PDE4C: variants seen among roughly 807,000 people sequenced by gnomAD.
PDE4C encodes 3',5'-cyclic-AMP phosphodiesterase 4C.
A neutral mutation model predicts 63.9 loss-of-function variants in PDE4C; 50 were observed. The observed-to-expected ratio is 0.78, with a 90% CI of 0.62 to 0.99. PDE4C has a LOEUF of 0.99. Among genes scored for constraint, PDE4C ranks in the 50% least tolerant of loss-of-function variants. PDE4C has a pLI of 0.00. For missense variants in PDE4C, 777 were observed against 899.1 expected (o/e 0.86, Z 1.74); for synonymous variants, 377 against 385.1 (o/e 0.98, Z 0.25).
Position 18,218,262 on chromosome 19 carries a change from G to T in PDE4C, c.1135-14C>A, listed in dbSNP as rs573645909. 2.9e-4 allele frequency: 473 copies of T among 1,614,002 alleles called. 5 individuals carry two copies. In the South Asian group the frequency reaches 4.9e-3, roughly 17 times the overall value. The stretch of plus-strand genomic sequence containing the variant: ...TGTGAACACAGCCTGAGCAGGCAGA[G>T]GGCACAGGCGGTGAGGGGCGGGTTC... On this transcript the variant is annotated splice_polypyrimidine_tract_variant and intron_variant, in intron 10 of 14. Transcript: ENST00000262805.
chr19:18,229,421 A>G (rs764111247), upstream of PDE4C, among the ~76,000 whole-genome samples: 1 of 151,976 alleles, frequency 6.6e-6, no homozygotes, highest in Non-Finnish European at 1.5e-5. Flanking sequence ...TGGTATTTTT[A>G]GTAGAGACGG....
At chr19:18,234,533 G>A (rs1235680622), upstream of PDE4C, among the ~76,000 whole-genome samples, 4 of 152,164 alleles carry the variant, frequency 2.6e-5, no homozygotes, top group South Asian at 2.1e-4. Context: ...AGGGCTGGGC[G>A]GGTGAGTGTG....
intron 1 of PDE4C, among the ~76,000 whole-genome samples, chr19:18,243,279 G>A (rs1969075900): frequency 6.6e-6 from 1 of 151,822 alleles, no homozygotes; most frequent in African/African-American, 2.4e-5. Context: ...CCAATTAATT[G>A]TATTTTTTAG....
intron 7 of PDE4C, 124 bp from the exon 8 acceptor site, chr19:18,219,521 G>A (rs1968367080): frequency 7.0e-6 from 8 of 1,148,272 alleles, no homozygotes; most frequent in African/African-American, 1.6e-5. Flanking sequence ...ACCAAAGTAA[G>A]TTCGGAGTAA....
At chr19:18,229,102 A>ATTTTTTTTT (rs56379821), upstream of PDE4C, among the ~76,000 whole-genome samples, 353 of 124,334 alleles carry the variant, frequency 2.8e-3, no homozygotes, top group East Asian at 4.9e-3. Flanking sequence ...TGCCAAGCTA[A>ATTTTTTTTT]TTTTTTTTTT....
In PDE4C at chr19:18,220,352, T is replaced by G. The variant is rs1968403188; in HGVS notation, c.613-33A>C. On this transcript the variant is annotated intron_variant, in intron 6 of 14. Coordinates refer to ENST00000262805, the Ensembl canonical transcript of PDE4C. The surrounding 1 kb of genome is among the most constrained non-coding windows in gnomAD (Gnocchi z 5.1). ...GGAGAGAAGGTGAAGACCGTGATGATGGGGCACCGTGGGCCGAGGCAGGTG... is the reference window on the plus strand; with the variant it reads ...GGAGAGAAGGTGAAGACCGTGATGAGGGGGCACCGTGGGCCGAGGCAGGTG... The G allele has an allele frequency of 6.2e-7, 1 of 1,612,526 alleles. No homozygotes were observed. Among genetic ancestry groups the G allele is most frequent in the Non-Finnish European group, 8.5e-7 (1 of 1,178,724 alleles).
chr19:18,252,384 C>T (rs571177825), upstream of PDE4C: 21 of 399,076 alleles, frequency 5.3e-5, no homozygotes, highest in African/African-American at 4.3e-4. Flanking sequence ...GGGGGGTTCC[C>T]CTGAACTGTG....
In PDE4C at chr19:18,220,783, C is replaced by T. The variant is rs1373104707; in HGVS notation, c.499+91G>A. The T allele has an allele frequency of 7.9e-7, 1 of 1,266,162 alleles. No homozygotes were observed. Among genetic ancestry groups the T allele is most frequent in the East Asian group, 2.4e-5 (1 of 42,260 alleles). The allele number at this position is 1,266,162 out of a possible 1,614,324, so 78.4% of individuals were successfully genotyped here. A position where few individuals can be genotyped will look rare whatever the true frequency, so the allele number is the denominator to read the frequency against. ...GCAGGGGCGGGGCTACAATTAGCCC[C>T]AGTATAAGGGGCTCATGGACTGGGG... On this transcript the variant is annotated intron_variant, in intron 5 of 14. Transcript: ENST00000262805. The surrounding 1 kb of genome is among the most constrained non-coding windows in gnomAD (Gnocchi z 5.1).
chr19:18,211,936 C>G, exon 14 of PDE4C: 1 of 1,614,046 alleles, frequency 6.2e-7, no homozygotes, highest in Non-Finnish European at 8.5e-7. Flanking sequence ...CCAGGTTCTG[C>G]AAGACCTACA....
In PDE4C at chr19:18,220,844, A is replaced by G. The variant is rs778339209; in HGVS notation, c.499+30T>C. 1.9e-6 allele frequency: 3 copies of G among 1,600,444 alleles called. No individual in the cohort carries two copies. In the Admixed American group the frequency reaches 5.2e-5, roughly 28 times the overall value. ...GGAAAGGAAGCTCCCAGCTGTCCTC[A>G]GCGGGGGAGGGAAGGAACAGGTACT... is the stretch of plus-strand genomic sequence containing the variant. On this transcript the variant is annotated intron_variant, in intron 5 of 14. Coordinates refer to ENST00000262805, the Ensembl canonical transcript of PDE4C. This position sits in a 1 kb window ranked among gnomAD's most constrained non-coding sequence, Gnocchi z 5.1.
upstream of PDE4C, among the ~76,000 whole-genome samples, chr19:18,229,022 G>A (rs543935477): frequency 6.6e-5 from 10 of 151,848 alleles, no homozygotes; most frequent in East Asian, 7.7e-4. Flanking sequence ...TGAAACCTCC[G>A]CTTCCTGGGT....
chr19:18,229,102 AT>A (rs56379821), upstream of PDE4C, among the ~76,000 whole-genome samples: 731 of 124,530 alleles, frequency 5.9e-3, 10 homozygotes, highest in African/African-American at 0.018. Context: ...TGCCAAGCTA[AT>A]TTTTTTTTTT....
upstream of PDE4C, among the ~76,000 whole-genome samples, chr19:18,251,676 A>ACCCCCCCCCCCCCCCCCCCCC (rs1969230557): frequency 4.2e-5 from 1 of 23,566 alleles, no homozygotes; most frequent in African/African-American, 1.1e-4. Flanking sequence ...CTCGTGATAC[A>ACCCCCCCCCCCCCCCCCCCCC]CGCCCCCCCC....
At chr19:18,251,028 G>A (rs898444266), upstream of PDE4C, among the ~76,000 whole-genome samples, 5 of 151,964 alleles carry the variant, frequency 3.3e-5, no homozygotes, top group Admixed American at 2.0e-4. Flanking sequence ...CACCCGCCTC[G>A]GCCTCCCAAA....
At chr19:18,233,110 C>T (rs1300313509) in exon 1 of PDE4C, 1 of 1,567,156 alleles carries the variant, frequency 6.4e-7, no homozygotes, top group South Asian at 1.2e-5. Flanking sequence ...TGCTTCGGGG[C>T]TCTGGTCATG....
At chr19:18,233,428 G>T in exon 1 of PDE4C, 1 of 699,852 alleles carries the variant, frequency 1.4e-6, no homozygotes, top group Non-Finnish European at 2.6e-6. Context: ...GGAGAAGAAC[G>T]TGGTGAGGGG....
chr19:18,228,870 C>T (rs995628960), upstream of PDE4C, among the ~76,000 whole-genome samples: 7 of 152,190 alleles, frequency 4.6e-5, no homozygotes, highest in African/African-American at 1.7e-4. Flanking sequence ...TGCATTACTG[C>T]ATCTCCTGTA....
chr19:18,218,457 T>G, exon 10 of PDE4C: 1 of 1,614,206 alleles, frequency 6.2e-7, no homozygotes, highest in East Asian at 2.2e-5. Context: ...AGGTGGCCAG[T>G]GTGTCTGCTG....
At chr19:18,229,794 A>G (rs1309036830), upstream of PDE4C, among the ~76,000 whole-genome samples, 1 of 151,960 alleles carries the variant, frequency 6.6e-6, no homozygotes, top group Non-Finnish European at 1.5e-5. Flanking sequence ...GGGTCAAATC[A>G]CACACTCCTT....
Sources: allele counts gnomAD v4.1 joint callset (sites outside exome capture counted in the v4.1 genomes callset), GRCh38; gene constraint gnomAD v4.1.1; non-coding constraint Gnocchi (gnomAD v3.1); transcripts MANE v1.5; gene names NCBI Gene and HGNC (gene_info 2026-07-23, HGNC 2026-07-21).